The following CHRNA7 variants were observed in gnomAD, a reference collection of about 807,000 sequenced individuals.
The protein encoded by CHRNA7 is cholinergic receptor nicotinic alpha 7 subunit.
A neutral mutation model predicts 48.0 loss-of-function variants in CHRNA7; 17 were observed. The ratio of observed to expected loss-of-function variants is 0.35; its 90% confidence interval spans 0.24 to 0.53. CHRNA7 has a LOEUF of 0.53. Among genes scored for constraint, CHRNA7 ranks in the 20% least tolerant of loss-of-function variants. The pLI is 0.92. For missense variants in CHRNA7, 155 were observed against 577.7 expected, an observed-to-expected ratio of 0.27 and a Z score of 7.50; for synonymous variants, 75 against 242.3, an observed-to-expected ratio of 0.31 and a Z score of 6.41.
intron 2 of CHRNA7, among the ~76,000 whole-genome samples, chr15:32,096,463 T>C (rs1031015725): frequency 6.6e-6 from 1 of 152,206 alleles, no homozygotes; most frequent in Non-Finnish European, 1.5e-5. Context: ...GAAAAAAATA[T>C]GGTTGGTGTA....
intron 2 of CHRNA7, among the ~76,000 whole-genome samples, chr15:32,094,204 T>A (rs532932056): frequency 6.6e-5 from 10 of 152,334 alleles, no homozygotes; most frequent in African/African-American, 2.4e-4. Flanking sequence ...AGCTGGTGGA[T>A]GAGGCCAGGA....
At chr15:32,108,179 C>T (rs997349367) in intron 3 of CHRNA7, among the ~76,000 whole-genome samples, 22 of 152,086 alleles carry the variant, frequency 1.4e-4, no homozygotes, top group African/African-American at 5.3e-4. Flanking sequence ...ACAAATAGGG[C>T]CCAGGTGCCA....
intron 2 of CHRNA7, among the ~76,000 whole-genome samples, chr15:32,052,814 A>G (rs1314457480): frequency 6.6e-6 from 1 of 152,256 alleles, no homozygotes; most frequent in Admixed American, 6.5e-5. Context: ...ATTTAATAGT[A>G]TAGTAGAGAA....
intron 2 of CHRNA7, 120 bp downstream of exon 2, chr15:32,031,157 C>A: frequency 8.5e-7 from 1 of 1,174,038 alleles, no homozygotes; most frequent in Non-Finnish European, 1.2e-6. Flanking sequence ...TGGCCCCAAG[C>A]TAGGCAGGGC....
chr15:32,107,500 A>G (rs73369021), intron 3 of CHRNA7, among the ~76,000 whole-genome samples: 7,098 of 151,232 alleles, frequency 0.047, 575 homozygotes, highest in African/African-American at 0.16. Context: ...ATCTACTTAT[A>G]TAAAATACCC....
intron 2 of CHRNA7, among the ~76,000 whole-genome samples, chr15:32,075,986 C>T (rs2050131171): frequency 1.3e-5 from 2 of 152,060 alleles, no homozygotes; most frequent in South Asian, 2.1e-4. Context: ...ATATTTTAGC[C>T]TTTGGATATT....
intron 4 of CHRNA7, among the ~76,000 whole-genome samples, chr15:32,120,505 ATTTTC>A (rs1434249257): frequency 2.0e-5 from 3 of 151,176 alleles, no homozygotes; most frequent in Non-Finnish European, 4.4e-5. Context: ...AGCATCTGAC[ATTTTC>A]TTTTCTTTGA....
At chr15:32,073,046 G>C (rs946724594) in intron 2 of CHRNA7, among the ~76,000 whole-genome samples, 3 of 152,188 alleles carry the variant, frequency 2.0e-5, no homozygotes, top group African/African-American at 2.4e-5. Flanking sequence ...ATGAATGGTA[G>C]AGCCACTGTC....
chr15:32,112,216 C>T (rs1161148034), intron 4 of CHRNA7: 1 of 502,740 alleles, frequency 2.0e-6, no homozygotes, highest in East Asian at 5.5e-5. Context: ...TAAGGCAGTA[C>T]CTTTGTTCTC....
chr15:32,043,410 C>T (rs951024184), intron 2 of CHRNA7, among the ~76,000 whole-genome samples: 2 of 151,898 alleles, frequency 1.3e-5, no homozygotes, highest in African/African-American at 2.4e-5. Flanking sequence ...TTCCACTTAC[C>T]CTTGTCTCTT....
At chr15:32,135,679 G>T (rs1490555674) in intron 4 of CHRNA7, among the ~76,000 whole-genome samples, 3 of 152,142 alleles carry the variant, frequency 2.0e-5, no homozygotes, top group Non-Finnish European at 4.4e-5. Context: ...AGCTGAGGAT[G>T]TAATAATATT....
intron 4 of CHRNA7, among the ~76,000 whole-genome samples, chr15:32,147,135 A>G (rs2051505442): frequency 6.6e-6 from 1 of 152,280 alleles, no homozygotes; most frequent in Non-Finnish European, 1.5e-5. Context: ...ATCCCATGTT[A>G]CATTCAATTT....
At chr15:32,045,019 G>A (rs907829119) in intron 2 of CHRNA7, among the ~76,000 whole-genome samples, 1 of 152,092 alleles carries the variant, frequency 6.6e-6, no homozygotes, top group Non-Finnish European at 1.5e-5. Context: ...TCTATCTGTT[G>A]TTAGTCCCAT....
chr15:32,084,299 C>G (rs1383710941), intron 2 of CHRNA7, among the ~76,000 whole-genome samples: 4 of 152,156 alleles, frequency 2.6e-5, no homozygotes, highest in Non-Finnish European at 5.9e-5. Flanking sequence ...TGTTTAATGT[C>G]TGTAATTTAC....
intron 2 of CHRNA7, among the ~76,000 whole-genome samples, chr15:32,060,283 A>G (rs2141203279): frequency 6.6e-6 from 1 of 152,318 alleles, no homozygotes; most frequent in Non-Finnish European, 1.5e-5. Context: ...ATGCATTCTA[A>G]GATACTTTTC....
intron 4 of CHRNA7, among the ~76,000 whole-genome samples, chr15:32,150,434 G>T (rs2051602067): frequency 6.6e-6 from 1 of 152,200 alleles, no homozygotes; most frequent in African/African-American, 2.4e-5. Context: ...GTGCGGGTTA[G>T]ATGCCATGTA....
chr15:32,093,161 G>A (rs951101962), intron 2 of CHRNA7, among the ~76,000 whole-genome samples: 6 of 152,028 alleles, frequency 3.9e-5, no homozygotes, highest in South Asian at 2.1e-4. Context: ...TCAGTATGCC[G>A]GAAACCCAGC....
At position 32,062,251 on chromosome 15, in the gene CHRNA7, C is replaced by T. The variant is rs184153822; in HGVS notation, c.195+31214C>T. On this transcript the variant is annotated intron_variant, in intron 2 of 9. Coordinates refer to ENST00000306901, the MANE Select transcript of CHRNA7 (RefSeq NM_000746.6). The stretch of plus-strand genomic sequence containing the variant: ...TGTTCACTCTCTACCTCCACTACCA[C>T]GCATAATTAACACACTTCCCTTCAT... Among the ~76,000 whole-genome samples, 19 of 152,306 alleles carry T rather than the reference C, an allele frequency of 1.2e-4. No homozygotes were observed. The East Asian group carries it at 1.5e-3, about 12-fold the overall frequency.
At chr15:32,117,297 C>T (rs1287160499) in intron 4 of CHRNA7, among the ~76,000 whole-genome samples, 2 of 152,212 alleles carry the variant, frequency 1.3e-5, no homozygotes, top group Admixed American at 6.5e-5. Context: ...CAGCTGCCTT[C>T]CATCATAGGC....
Sources: allele counts gnomAD v4.1 joint callset (sites outside exome capture counted in the v4.1 genomes callset), GRCh38; gene constraint gnomAD v4.1.1; transcripts MANE v1.5; gene names NCBI Gene and HGNC (gene_info 2026-07-23, HGNC 2026-07-21).